TMEM132D: variants seen among roughly 807,000 people sequenced by gnomAD.
TMEM132D encodes the protein transmembrane protein 132D.
In TMEM132D, 21 loss-of-function variants were observed where a neutral mutation model predicts 62.3. That is an observed-to-expected ratio of 0.34 (90% CI 0.24 to 0.49). The LOEUF (loss-of-function observed/expected upper bound fraction) is 0.49. Among genes scored for constraint, TMEM132D ranks in the 20% least tolerant of loss-of-function variants. TMEM132D has a pLI of 0.99. For missense variants in TMEM132D, 1,346 were observed against 1,402.8 expected (o/e 0.96, Z 0.65); for synonymous variants, 621 against 575.6 (o/e 1.08, Z -1.13).
At chr12:129,612,859 C>A (rs1478747328) in intron 2 of TMEM132D, among the ~76,000 whole-genome samples, 1 of 152,156 alleles carries the variant, frequency 6.6e-6, no homozygotes, top group Non-Finnish European at 1.5e-5. Context: ...GAGCGAGACT[C>A]CGTCTCCAAC....
intron 2 of TMEM132D, among the ~76,000 whole-genome samples, chr12:129,659,630 C>T (rs184395445): frequency 2.2e-4 from 33 of 151,530 alleles, no homozygotes; most frequent in Admixed American, 1.4e-3. Flanking sequence ...TAACTCTTCT[C>T]TGTGAAGTGT....
chr12:129,279,952 A>G (rs1390621406), intron 4 of TMEM132D, among the ~76,000 whole-genome samples: 1 of 152,220 alleles, frequency 6.6e-6, no homozygotes, highest in Non-Finnish European at 1.5e-5. Context: ...AATAAAAGTG[A>G]CACATTGACT....
At chr12:129,242,521 T>A (rs2135585092) in intron 4 of TMEM132D, among the ~76,000 whole-genome samples, 1 of 152,304 alleles carries the variant, frequency 6.6e-6, no homozygotes, top group South Asian at 2.1e-4. Flanking sequence ...TATTTTTTAG[T>A]TTTTCTTCCC....
At chr12:129,295,832 A>C (rs1881560641) in intron 4 of TMEM132D, among the ~76,000 whole-genome samples, 1 of 152,180 alleles carries the variant, frequency 6.6e-6, no homozygotes, top group Non-Finnish European at 1.5e-5. Flanking sequence ...TACAATGTAA[A>C]TGCTATATCA....
At chr12:129,252,092 T>C (rs940849519) in intron 4 of TMEM132D, among the ~76,000 whole-genome samples, 2 of 152,234 alleles carry the variant, frequency 1.3e-5, no homozygotes, top group Admixed American at 1.3e-4. Flanking sequence ...TCAAATCATA[T>C]ACATGTTCAA....
intron 5 of TMEM132D, among the ~76,000 whole-genome samples, chr12:129,206,399 G>A (rs1455826167): frequency 6.6e-6 from 1 of 152,162 alleles, no homozygotes. Context: ...ATACCACAAT[G>A]AGATACCATC....
chr12:129,698,255 G>A (rs572913824), intron 2 of TMEM132D: 1 of 151,824 alleles, frequency 6.6e-6, no homozygotes, highest in Non-Finnish European at 1.5e-5. Context: ...GCTAATGAAG[G>A]CTTGGCCAGC....
chr12:129,285,185 T>C (rs1266794823), intron 4 of TMEM132D, among the ~76,000 whole-genome samples: 5 of 151,924 alleles, frequency 3.3e-5, no homozygotes, highest in Admixed American at 2.6e-4. Context: ...CAATCCAAGA[T>C]TGAGACCATC....
chr12:129,200,167 T>A (rs1469077552), intron 5 of TMEM132D, among the ~76,000 whole-genome samples: 1 of 152,070 alleles, frequency 6.6e-6, no homozygotes, highest in African/African-American at 2.4e-5. Flanking sequence ...AATCCCTGTA[T>A]CCCGCAGGTG....
intron 1 of TMEM132D, among the ~76,000 whole-genome samples, chr12:129,707,351 A>G (rs1881531342): frequency 6.6e-6 from 1 of 151,640 alleles, no homozygotes; most frequent in Non-Finnish European, 1.5e-5. Flanking sequence ...TCATGCATTT[A>G]TATAGTCTCT....
intron 1 of TMEM132D, among the ~76,000 whole-genome samples, chr12:129,816,055 G>T (rs1872333779): frequency 6.6e-6 from 1 of 152,176 alleles, no homozygotes; most frequent in Non-Finnish European, 1.5e-5. Flanking sequence ...TCACCTGCAG[G>T]ACAGCTGTTC....
chr12:129,744,426 C>T (rs1234578087), intron 1 of TMEM132D, among the ~76,000 whole-genome samples: 1 of 152,120 alleles, frequency 6.6e-6, no homozygotes, highest in Non-Finnish European at 1.5e-5. Context: ...CATATTGCCC[C>T]AGCTGGAGCA....
At chr12:129,710,789 C>T (rs1398439274) in intron 1 of TMEM132D, among the ~76,000 whole-genome samples, 1 of 152,282 alleles carries the variant, frequency 6.6e-6, no homozygotes, top group Non-Finnish European at 1.5e-5. Context: ...CCTCAGGCTT[C>T]GCACCTTGGT....
chr12:129,077,749 AAC>A (rs1480389152), intron 8 of TMEM132D, among the ~76,000 whole-genome samples: 3 of 152,146 alleles, frequency 2.0e-5, no homozygotes, highest in South Asian at 2.1e-4. Flanking sequence ...GCATACATAC[AAC>A]ACACGATACA....
At chr12:129,367,132 C>T (rs370138690) in intron 3 of TMEM132D, among the ~76,000 whole-genome samples, 1 of 152,220 alleles carries the variant, frequency 6.6e-6, no homozygotes, top group Admixed American at 6.5e-5. Flanking sequence ...CTGCACAAGA[C>T]GACCCTCAGC....
chr12:129,490,488 G>A (rs1874742860), intron 3 of TMEM132D, among the ~76,000 whole-genome samples: 1 of 141,486 alleles, frequency 7.1e-6, no homozygotes, highest in Non-Finnish European at 1.5e-5. Flanking sequence ...GAGTGCAGTG[G>A]CGCGATCTCG....
intron 2 of TMEM132D, among the ~76,000 whole-genome samples, chr12:129,634,468 T>A (rs1879428424): frequency 8.3e-6 from 1 of 120,480 alleles, no homozygotes; most frequent in Admixed American, 8.7e-5. Context: ...AGTGAAACCT[T>A]GTCTCAAAAA....
chr12:129,794,219 G>C (rs1871490361), intron 1 of TMEM132D, among the ~76,000 whole-genome samples: 1 of 149,022 alleles, frequency 6.7e-6, no homozygotes, highest in South Asian at 2.1e-4. Context: ...CTCTGGAGTA[G>C]CTGAGATCAC....
intron 2 of TMEM132D, among the ~76,000 whole-genome samples, chr12:129,644,794 T>C (rs547900097): frequency 9.0e-5 from 13 of 145,168 alleles, no homozygotes; most frequent in Non-Finnish European, 1.7e-4. Context: ...CTGGCTAACA[T>C]GGTGAAACCC....
Sources: allele counts gnomAD v4.1 joint callset (sites outside exome capture counted in the v4.1 genomes callset), GRCh38; gene constraint gnomAD v4.1.1; transcripts MANE v1.5; gene names NCBI Gene and HGNC (gene_info 2026-07-23, HGNC 2026-07-21).